Variants in HNRNPL observed in about 807,000 individuals in gnomAD.
HNRNPL encodes the protein epididymis secretory sperm binding protein.
HNRNPL carries 12 observed loss-of-function variants against 64.0 expected under a neutral mutation model. That is an observed-to-expected ratio of 0.19 (90% CI 0.12 to 0.30). HNRNPL has a LOEUF of 0.30. Ranked by LOEUF, HNRNPL falls within the 10% of genes least tolerant of loss-of-function variation. The pLI, the probability that HNRNPL is intolerant of heterozygous loss-of-function variation, is 1.00. For missense variants in HNRNPL, 484 were observed against 797.4 expected (o/e 0.61, Z 4.73); for synonymous variants, 385 against 313.0 (o/e 1.23, Z -2.43).
At chr19:38,846,133 A>G in intron 2 of HNRNPL, 43 bp from the exon 3 acceptor site, 1 of 1,390,906 alleles carries the variant, frequency 7.2e-7, no homozygotes, top group Non-Finnish European at 1.0e-6. Context: ...AGGAAAATGT[A>G]GACAGGAGGA....
chr19:38,850,873 C>T (rs891679881), upstream of HNRNPL, among the ~76,000 whole-genome samples: 2 of 152,240 alleles, frequency 1.3e-5, no homozygotes, highest in African/African-American at 4.8e-5. Flanking sequence ...CTTTCAGTTT[C>T]CCTTGGGAGA....
At chr19:38,837,744 G>C (rs141045412) in intron 10 of HNRNPL, 93 bp from the exon 11 acceptor site, 7 of 1,060,012 alleles carry the variant, frequency 6.6e-6, no homozygotes, top group Middle Eastern at 2.7e-4. Context: ...CTCAGTACTT[G>C]AAGTTTTCAG....
At chr19:38,841,966 G>A (rs533093405) in intron 6 of HNRNPL, 2 of 312,488 alleles carry the variant, frequency 6.4e-6, no homozygotes, top group African/African-American at 4.4e-5. Flanking sequence ...TGTGCCAGTG[G>A]CCCCACTACG....
At chr19:38,841,268 C>T (rs1475787144) in intron 6 of HNRNPL, 2 of 318,066 alleles carry the variant, frequency 6.3e-6, no homozygotes, top group East Asian at 8.5e-5. Context: ...CTGGGCTAAG[C>T]GCTTTACAGA....
upstream of HNRNPL, among the ~76,000 whole-genome samples, chr19:38,850,591 C>A (rs1010491595): frequency 6.6e-6 from 1 of 152,184 alleles, no homozygotes; most frequent in African/African-American, 2.4e-5. Flanking sequence ...ACGAAACGAG[C>A]GAAGGCGAGA....
At position 38,838,512 on chromosome 19, in the gene HNRNPL, C is replaced by T. The variant is rs1972003173; in HGVS notation, c.1442G>A (p.Arg481Gln). The change falls in exon 10 of 13, where the codon CGG becomes CAG. Residue 481 changes from arginine (R) to glutamine (Q), a missense_variant. By Grantham distance (43) the Arg-to-Gln change is conservative. This residue lies in a region of HNRNPL where 53 missense variants were observed against 131.3 expected (regional missense o/e 0.40). Transcript: ENST00000221419. ...SCSYKDFSES[R>Q]NNRFSTPEQA... ...CTCTGGGGTGGAGAACCGATTGTTCCGGGATTCACTGAAGTCTTTGTAACT... is the reference window on the plus strand; with the variant it reads ...CTCTGGGGTGGAGAACCGATTGTTCTGGGATTCACTGAAGTCTTTGTAACT... 6.2e-7 allele frequency: 1 copy of T among 1,614,086 alleles called. No homozygotes were observed. The highest frequency in any genetic ancestry group is 8.5e-7 in the Non-Finnish European group (1 of 1,179,978).
chr19:38,840,603 G>A (rs774849215), intron 6 of HNRNPL, 44 bp from the exon 7 acceptor site: 66 of 1,468,560 alleles, frequency 4.5e-5, no homozygotes, highest in Non-Finnish European at 5.9e-5. Context: ...CAGAAATTGG[G>A]GTCTCTCCCT....
At chr19:38,851,763 G>GA (rs1972508863), upstream of HNRNPL, among the ~76,000 whole-genome samples, 1 of 152,240 alleles carries the variant, frequency 6.6e-6, no homozygotes, top group East Asian at 1.9e-4. Flanking sequence ...GACCCTATCA[G>GA]AAAAAATGGG....
upstream of HNRNPL, chr19:38,850,149 T>C (rs1268253062): frequency 2.0e-6 from 1 of 492,158 alleles, no homozygotes; most frequent in East Asian, 3.5e-5. Context: ...CCCTTGTTTG[T>C]CTGAGACACT....
In HNRNPL at chr19:38,844,019, C is replaced by T. The variant is rs1233289638; in HGVS notation, c.796G>A (p.Glu266Lys). Reference protein sequence around the residue: ...IYSGCCTLKIEYAKPTRLNVF... With the variant: ...IYSGCCTLKIKYAKPTRLNVF... Reference sequence around the variant, plus strand: ...CCTCCCAGATGTACCTTTGCGTATTCGATCTTCAGAGTGCAACAGCCAGAA... The same window carrying T: ...CCTCCCAGATGTACCTTTGCGTATTTGATCTTCAGAGTGCAACAGCCAGAA... Residue 266 changes from glutamate to lysine, a missense_variant, in exon 5 of 13, where the codon GAA becomes AAA. Glu to Lys is a moderately conservative substitution (Grantham distance 56). Transcript: ENST00000221419. 1 of 1,613,672 alleles carries T rather than the reference C, an allele frequency of 6.2e-7. No homozygotes were observed. The highest frequency in any genetic ancestry group is 8.5e-7 in the Non-Finnish European group (1 of 1,179,576).
chr19:38,840,642 C>A, intron 6 of HNRNPL, 83 bp from the exon 7 acceptor site: 1 of 1,128,034 alleles, frequency 8.9e-7, no homozygotes, highest in Non-Finnish European at 1.3e-6. Flanking sequence ...CTGATCTGAG[C>A]CCCCAGCTCC....
intron 2 of HNRNPL, among the ~76,000 whole-genome samples, chr19:38,846,929 T>A (rs888068345): frequency 3.3e-5 from 5 of 150,828 alleles, no homozygotes; most frequent in African/African-American, 9.8e-5. Flanking sequence ...AAACAAAAAA[T>A]ATATATATGT....
rs1338382623 is a variant in HNRNPL, at chr19:38,836,845, C to CAA, written c.1712-67_1712-66dup. 6.6e-6 allele frequency: 8 copies of CAA among 1,205,210 alleles called. No individual in the cohort carries two copies. The East Asian group carries it at 1.2e-4, about 18-fold the overall frequency. The allele number at this position is 1,205,210 out of a possible 1,614,324, so 74.7% of individuals were successfully genotyped here. A position where few individuals can be genotyped will look rare whatever the true frequency, so the allele number is the denominator to read the frequency against. ...GAGGCTCCCCAAACCCAGGTCCCCT[C>CAA]AAGTTTGTACCCATCTCCCATTTTC... is the stretch of plus-strand genomic sequence containing the variant. On this transcript the variant is annotated intron_variant, in intron 12 of 12. Transcript: ENST00000221419.
intron 2 of HNRNPL, among the ~76,000 whole-genome samples, chr19:38,846,869 G>A (rs1372532023): frequency 6.6e-6 from 1 of 152,202 alleles, no homozygotes; most frequent in East Asian, 1.9e-4. Flanking sequence ...GATTGTCACT[G>A]CACTCCAGCC....
intron 10 of HNRNPL, among the ~76,000 whole-genome samples, chr19:38,838,031 C>G (rs1971988166): frequency 6.6e-6 from 1 of 152,254 alleles, no homozygotes; most frequent in Admixed American, 6.5e-5. Context: ...AGGGCCCCAC[C>G]TTCTGATGGT....
At chr19:38,849,659 C>T (rs770876756) in intron 1 of HNRNPL, 41 bp downstream of exon 1, 1 of 1,305,952 alleles carries the variant, frequency 7.7e-7, no homozygotes, top group South Asian at 2.3e-5. Context: ...AAATTGTCCC[C>T]CAGTTCCCGG....
At chr19:38,847,486 C>T (rs566168672) in intron 1 of HNRNPL, 52 bp from the exon 2 acceptor site, 8 of 1,045,684 alleles carry the variant, frequency 7.7e-6, no homozygotes, top group Non-Finnish European at 1.1e-5. Flanking sequence ...CAAGATGACG[C>T]CCCACTGGCC....
intron 1 of HNRNPL, 40 bp downstream of exon 1, chr19:38,849,660 C>A (rs776492814): frequency 7.7e-7 from 1 of 1,304,844 alleles, no homozygotes. Context: ...AATTGTCCCC[C>A]AGTTCCCGGC....
chr19:38,840,269 G>A lies in HNRNPL; in HGVS notation c.1060C>T (p.Arg354Trp). The change falls in exon 8 of 13, where the codon CGG (arginine) becomes TGG (tryptophan). Residue 354 changes from arginine to tryptophan, a missense_variant. By Grantham distance (101) the Arg-to-Trp change is moderately radical. Transcript: ENST00000221419. ...RMGPPVGGHR[R>W]GPSRYGPQYG... is the part of the protein sequence containing the mutation. ...TGGGGGCCGTAGCGACTTGGGCCCC[G>A]ACGGTGACCCCCCACTGGTGGACCC... is the stretch of plus-strand genomic sequence containing the variant. 6.3e-7 allele frequency: 1 copy of A among 1,578,664 alleles called. No individual in the cohort carries two copies. The highest frequency in any genetic ancestry group is 8.6e-7 in the Non-Finnish European group (1 of 1,162,614).
Sources: gnomAD v4.1 joint callset for allele counts (sites outside exome capture counted in the v4.1 genomes callset) on GRCh38, gnomAD v4.1.1 for gene constraint, gnomAD v4.1.1 regional missense constraint, MANE v1.5 for transcripts, NCBI Gene and HGNC (gene_info 2026-07-23, HGNC 2026-07-21) for gene names.